MINPP1: variants seen among roughly 807,000 people sequenced by gnomAD.
The protein encoded by MINPP1 is multiple inositol polyphosphate phosphatase 1.
MINPP1 carries 28 observed loss-of-function variants against 46.1 expected under a neutral mutation model. The ratio of observed to expected loss-of-function variants is 0.61; its 90% CI spans 0.45 to 0.83. MINPP1 has a LOEUF of 0.83. MINPP1 is among the 40% of genes least tolerant of loss of function. MINPP1 has a pLI of 0.00. For synonymous variants in MINPP1, 268 were observed against 249.1 expected, an observed-to-expected ratio of 1.08 and a Z score of -0.72; for missense variants, 603 against 610.0, an observed-to-expected ratio of 0.99 and a Z score of 0.12.
At chr10:87,507,396 T>G (rs1851267521) in intron 1 of MINPP1, among the ~76,000 whole-genome samples, 1 of 152,200 alleles carries the variant, frequency 6.6e-6, no homozygotes, top group African/African-American at 2.4e-5. Flanking sequence ...GGTGACAAAG[T>G]TCGCTTATTT....
Position 87,508,464 on chromosome 10 carries a change from C to A in MINPP1, c.766C>A (p.Pro256Thr). The change falls in exon 2 of 5, where the codon CCA becomes ACA. Residue 256 changes from proline (P) to threonine (T), a missense_variant. Physicochemically the swap from Pro to Thr is conservative, Grantham distance 38. This residue lies in a region of MINPP1 where 344 missense variants were observed against 381.1 expected (regional missense o/e 0.90). Transcript: ENST00000371996. ...LYHVEAFKTG[P>T]EMQNILKKVA... ...TCACGTGGAAGCCTTCAAAACTGGA[C>A]CAGAAATGCAGAACATTTTAAAAAA... 1 of 1,613,746 alleles carries A rather than the reference C, an allele frequency of 6.2e-7. No individual in the cohort carries two copies. The highest frequency in any genetic ancestry group is 8.5e-7 in the Non-Finnish European group (1 of 1,179,842).
At chr10:87,517,677 T>C (rs181323509) in intron 3 of MINPP1, among the ~76,000 whole-genome samples, 15 of 152,366 alleles carry the variant, frequency 9.8e-5, no homozygotes, top group African/African-American at 3.6e-4. Flanking sequence ...GGGGCTATTA[T>C]GAACCTTGTT....
At chr10:87,543,200 A>G (rs1296570922) in intron 4 of MINPP1, among the ~76,000 whole-genome samples, 2 of 152,226 alleles carry the variant, frequency 1.3e-5, no homozygotes, top group East Asian at 1.9e-4. Flanking sequence ...CCTATGATCT[A>G]ATATGGGAGC....
At chr10:87,539,201 G>A (rs1016704589) in intron 4 of MINPP1, among the ~76,000 whole-genome samples, 1 of 152,126 alleles carries the variant, frequency 6.6e-6, no homozygotes, top group Non-Finnish European at 1.5e-5. Context: ...TTTCTATCCA[G>A]ACATTTATAT....
intron 2 of MINPP1, among the ~76,000 whole-genome samples, chr10:87,511,988 C>G (rs1410236658): frequency 6.6e-6 from 1 of 152,104 alleles, no homozygotes. Context: ...AAACTCAGAA[C>G]TAGTGCAAAA....
At chr10:87,520,273 C>G (rs1851481332) in intron 3 of MINPP1, among the ~76,000 whole-genome samples, 1 of 151,958 alleles carries the variant, frequency 6.6e-6, no homozygotes, top group Non-Finnish European at 1.5e-5. Flanking sequence ...TTAGTTGTTT[C>G]TGGGGATTTT....
intron 4 of MINPP1, among the ~76,000 whole-genome samples, chr10:87,544,369 C>T (rs999657762): frequency 2.0e-5 from 3 of 152,358 alleles, no homozygotes; most frequent in Non-Finnish European, 4.4e-5. Flanking sequence ...TCCATAAGCT[C>T]TCCAAACCCT....
intron 4 of MINPP1, among the ~76,000 whole-genome samples, chr10:87,538,896 T>G (rs1361969741): frequency 6.6e-6 from 1 of 152,178 alleles, no homozygotes; most frequent in Non-Finnish European, 1.5e-5. Context: ...AAACATGCAA[T>G]TATTAGTTGT....
At chr10:87,546,646 G>C (rs548747113) in intron 4 of MINPP1, 2 of 152,254 alleles carry the variant, frequency 1.3e-5, no homozygotes, top group African/African-American at 4.8e-5. Flanking sequence ...GAAACAATCA[G>C]CTAGGTGTGG....
intron 4 of MINPP1, among the ~76,000 whole-genome samples, chr10:87,522,617 C>T (rs1851518965): frequency 6.6e-6 from 1 of 152,088 alleles, no homozygotes; most frequent in African/African-American, 2.4e-5. Context: ...TGCTTTATTA[C>T]TAGGAAATGC....
chr10:87,540,588 T>G (rs1851802431), intron 4 of MINPP1, among the ~76,000 whole-genome samples: 1 of 152,138 alleles, frequency 6.6e-6, no homozygotes, highest in Non-Finnish European at 1.5e-5. Flanking sequence ...TGCCAGTATT[T>G]TGGGCTTGTT....
In MINPP1 at chr10:87,508,351, C is replaced by T. The variant is rs754341204; in HGVS notation, c.653C>T (p.Pro218Leu). The T allele has an allele frequency of 1.9e-6, 3 of 1,612,978 alleles. No homozygotes were observed. Among genetic ancestry groups the T allele is most frequent in the South Asian group, 1.1e-5 (1 of 90,770 alleles). ...TCTCTTTCAGATATGGAGTTTGGACCTCCAACAGTTAATGATAAACTAATG... is the reference window on the plus strand; with the variant it reads ...TCTCTTTCAGATATGGAGTTTGGACTTCCAACAGTTAATGATAAACTAATG... ...PPDVADMEFGPPTVNDKLMRF... is the reference protein window; with the variant it reads ...PPDVADMEFGLPTVNDKLMRF... The change falls in exon 2 of 5, where the codon CCT (proline) becomes CTT (leucine). Residue 218 changes from proline (P) to leucine (L), a missense_variant. This residue lies in a region of MINPP1 where 344 missense variants were observed against 381.1 expected (regional missense o/e 0.90). Coordinates refer to ENST00000371996, the MANE Select transcript of MINPP1 (RefSeq NM_004897.5).
At chr10:87,525,707 C>G (rs1350795379) in intron 4 of MINPP1, among the ~76,000 whole-genome samples, 2 of 152,198 alleles carry the variant, frequency 1.3e-5, no homozygotes, top group African/African-American at 4.8e-5. Context: ...TCCCCCTACC[C>G]CACGACAGGC....
chr10:87,524,372 G>A (rs998276193), intron 4 of MINPP1, among the ~76,000 whole-genome samples: 2 of 152,158 alleles, frequency 1.3e-5, no homozygotes, highest in Non-Finnish European at 2.9e-5. Flanking sequence ...CCTTGCTGTG[G>A]ATTAGGCTTT....
At chr10:87,507,705 TG>T (rs1851273420) in intron 1 of MINPP1, 1 of 326,942 alleles carries the variant, frequency 3.1e-6, no homozygotes, top group Non-Finnish European at 4.4e-6. Flanking sequence ...AATACATATT[TG>T]TTGCCCAATT....
chr10:87,524,102 C>T (rs1589376218), intron 4 of MINPP1, among the ~76,000 whole-genome samples: 1 of 152,184 alleles, frequency 6.6e-6, no homozygotes, highest in East Asian at 1.9e-4. Context: ...CATTGATGTT[C>T]TAGATGGTAT....
intron 4 of MINPP1, among the ~76,000 whole-genome samples, chr10:87,544,046 C>T (rs1240572745): frequency 6.6e-6 from 1 of 152,212 alleles, no homozygotes; most frequent in Non-Finnish European, 1.5e-5. Context: ...CTGGATGTAG[C>T]ATCAGATCTT....
chr10:87,508,157 G>A, intron 1 of MINPP1, 179 bp from the exon 2 acceptor site: 1 of 1,540,274 alleles, frequency 6.5e-7, no homozygotes, highest in South Asian at 1.2e-5. Flanking sequence ...ATGCGTTACA[G>A]CCATTATAAA....
At chr10:87,549,359 C>T (rs540589289) in intron 4 of MINPP1, among the ~76,000 whole-genome samples, 1 of 152,178 alleles carries the variant, frequency 6.6e-6, no homozygotes, top group African/African-American at 2.4e-5. Flanking sequence ...TTTTATTTGT[C>T]TTGTATCTTT....
Sources: allele counts gnomAD v4.1 joint callset (sites outside exome capture counted in the v4.1 genomes callset), GRCh38; gene constraint gnomAD v4.1.1; regional missense constraint gnomAD v4.1.1; transcripts MANE v1.5; gene names NCBI Gene and HGNC (gene_info 2026-07-23, HGNC 2026-07-21).